The following KLF11 variants were observed in gnomAD, a reference collection of about 807,000 sequenced individuals.
The protein encoded by KLF11 is KLF transcription factor 11, also known as Krueppel-like factor 11.
In KLF11, 26 loss-of-function variants were observed where a neutral mutation model predicts 29.9. The observed-to-expected ratio is 0.87, with a 90% CI of 0.64 to 1.21. The LOEUF (loss-of-function observed/expected upper bound fraction) is 1.21. KLF11 is among the 50% of genes most tolerant of loss of function. KLF11 has a pLI of 0.00. For missense variants in KLF11, 778 were observed against 665.7 expected (o/e 1.17, Z -1.86); for synonymous variants, 318 against 257.4 (o/e 1.24, Z -2.25).
intron 1 of KLF11, among the ~76,000 whole-genome samples, chr2:10,044,975 C>T (rs1031077341): frequency 6.6e-6 from 1 of 152,062 alleles, no homozygotes. Context: ...GGGAAAACCG[C>T]TCTCTACTAA....
chr2:10,050,891 C>CTT (rs1558350563), intron 3 of KLF11, among the ~76,000 whole-genome samples: 1 of 42,038 alleles, frequency 2.4e-5, no homozygotes, highest in Non-Finnish European at 4.9e-5. Context: ...ATAGATGCTA[C>CTT]CTTTTTTTTT....
chr2:10,043,983 C>A, intron 1 of KLF11: 1 of 866,284 alleles, frequency 1.2e-6, no homozygotes, highest in Non-Finnish European at 1.4e-6. Context: ...GTTCCCCGCG[C>A]AGCTTTGTCT....
At chr2:10,045,846 G>A (rs921435747) in intron 1 of KLF11, among the ~76,000 whole-genome samples, 2 of 152,216 alleles carry the variant, frequency 1.3e-5, no homozygotes, top group African/African-American at 4.8e-5. Context: ...TGAACCTCAG[G>A]AGTTAATTTT....
chr2:10,046,599 G>C (rs1380672002), intron 2 of KLF11, among the ~76,000 whole-genome samples, 180 bp downstream of exon 2: 1 of 152,226 alleles, frequency 6.6e-6, no homozygotes, highest in Non-Finnish European at 1.5e-5. Flanking sequence ...GCTCAAGCCT[G>C]TAATCCCAGC....
At chr2:10,043,832 C>T in intron 1 of KLF11, 74 bp downstream of exon 1, 3 of 1,287,078 alleles carry the variant, frequency 2.3e-6, no homozygotes, top group East Asian at 4.8e-5. Flanking sequence ...GTGCGGCACT[C>T]GCGCGCCTGT....
In KLF11 at chr2:10,046,203, C is replaced by T. The variant is rs771393366; in HGVS notation, c.96C>T (p.Ser32=). The T allele has an allele frequency of 1.3e-5, 21 of 1,613,994 alleles. No individual in the cohort carries two copies. The South Asian group carries it at 1.3e-4, about 10-fold the overall frequency. ...ESILERKRHD[S]ERSTCSILEQ... is the part of the protein sequence containing the mutation. ...TCCTGGAGAGGAAGCGGCATGACAG[C>T]GAAAGGTCTACTTGCAGCATCTTGG... is the stretch of plus-strand genomic sequence containing the variant. Residue 32 remains serine, a synonymous_variant, in exon 2 of 4, where the codon AGC becomes AGT. Transcript: ENST00000305883.
In KLF11 at chr2:10,043,754, G is replaced by T; in HGVS notation, c.38G>T (p.Arg13Leu). ...TPDFAGPDDA[R>L]AVDIMDICES... is the part of the protein sequence containing the mutation. Reference sequence around the variant, plus strand: ...GACTTCGCAGGCCCAGACGACGCGCGCGCAGTGAGTGGTGGGGCTGCCGCG... The same window carrying T: ...GACTTCGCAGGCCCAGACGACGCGCTCGCAGTGAGTGGTGGGGCTGCCGCG... The change falls in exon 1 of 4, where the codon CGC (arginine) becomes CTC (leucine). Residue 13 changes from arginine to leucine, a missense_variant. By Grantham distance (102) the Arg-to-Leu change is moderately radical. Transcript: ENST00000305883. 1 of 1,380,732 alleles carries T rather than the reference G, an allele frequency of 7.2e-7. No homozygotes were observed. The highest frequency in any genetic ancestry group is 9.5e-7 in the Non-Finnish European group (1 of 1,051,408). The allele number at this position is 1,380,732 out of a possible 1,614,324, so 85.5% of individuals were successfully genotyped here.
chr2:10,044,301 C>T (rs1661108236), intron 1 of KLF11: 1 of 983,588 alleles, frequency 1.0e-6, no homozygotes, highest in African/African-American at 1.8e-5. Context: ...GGCGGGGCAA[C>T]GCTTGGAGGC....
rs1249594608 is a variant in KLF11 at position 10,047,524 on chromosome 2, G to A, written c.313-126G>A. The stretch of plus-strand genomic sequence containing the variant: ...CCTCATGCAGCCTTGAAACCCACTG[G>A]GATGTTGAAAACAGGGTTAACTGAG... On this transcript the variant is annotated intron_variant, in intron 2 of 3. Coordinates refer to ENST00000305883, the MANE Select transcript of KLF11 (RefSeq NM_003597.5). The A allele has an allele frequency of 3.4e-5, 29 of 843,168 alleles. No homozygotes were observed. The South Asian group carries it at 3.8e-4, about 11-fold the overall frequency. 52.2% of individuals were successfully genotyped at this position (843,168 alleles called of 1,614,324 possible).
chr2:10,046,128 C>T (rs1182513861), intron 1 of KLF11, 22 bp from the exon 2 acceptor site: 3 of 1,612,708 alleles, frequency 1.9e-6, no homozygotes, highest in East Asian at 2.2e-5. Context: ...ACTGAGAAGC[C>T]GTTGTGTTGT....
chr2:10,052,608 C>G lies in KLF11; in HGVS notation c.*101C>G. 7.7e-7 allele frequency: 1 copy of G among 1,300,122 alleles called. No individual in the cohort carries two copies. Among genetic ancestry groups the G allele is most frequent in the South Asian group, 1.3e-5 (1 of 79,024 alleles). The allele number at this position is 1,300,122 out of a possible 1,614,324, so 80.5% of individuals were successfully genotyped here. On this transcript the variant is annotated 3_prime_UTR_variant, in exon 4 of 4. Transcript: ENST00000305883. ...CACTGCCTCACCCAAAAAAAACGGT[C>G]TTGGCGGCCTAGGGGAAGATCGGGG...
Position 10,048,592 on chromosome 2 carries a change from A to T in KLF11, c.1255A>T (p.Thr419Ser). The T allele has an allele frequency of 6.3e-7, 1 of 1,599,742 alleles. No homozygotes were observed. Among genetic ancestry groups the T allele is most frequent in the Non-Finnish European group, 8.5e-7 (1 of 1,178,346 alleles). ...CCTTAAGGCCCATCTTCGCACTCAC[A>T]CAGGTAAGCGCTGGGGCAGGTGGGG... ...SHLKAHLRTH[T>S]GEKPFNCSWD... The change falls in exon 3 of 4, where the codon ACA (threonine) becomes TCA (serine). Residue 419 changes from threonine to serine, a missense_variant. Physicochemically the swap from Thr to Ser is moderately conservative, Grantham distance 58 (BLOSUM62 1). Coordinates refer to ENST00000305883, the MANE Select transcript of KLF11 (RefSeq NM_003597.5).
At chr2:10,046,912 C>G (rs184168848) in intron 2 of KLF11, among the ~76,000 whole-genome samples, 5 of 152,294 alleles carry the variant, frequency 3.3e-5, no homozygotes, top group Admixed American at 3.3e-4. Context: ...GAAAAATGTG[C>G]TCTTTCTATG....
chr2:10,044,415 G>C (rs1450817601), intron 1 of KLF11: 1 of 985,434 alleles, frequency 1.0e-6, no homozygotes, highest in Non-Finnish European at 1.2e-6. Context: ...TGGTGTGCGG[G>C]CACTGTGGGC....
rs372827624 is a variant in KLF11 at position 10,043,621 on chromosome 2, TGCCGCC to T, written c.-83_-78del. On this transcript the variant is annotated 5_prime_UTR_variant, in exon 1 of 4. Coordinates refer to ENST00000305883, the MANE Select transcript of KLF11 (RefSeq NM_003597.5). ...CGTGCCGGCCGCAGGAGCTCCGGGT[TGCCGCC>T]GCCGCCGCCGCCCGCAGCCCACGTG... is the stretch of plus-strand genomic sequence containing the variant. 1.0e-4 allele frequency: 89 copies of T among 867,354 alleles called. No individual in the cohort carries two copies. In the African/African-American group the frequency reaches 1.1e-3, roughly 10 times the overall value. The allele number at this position is 867,354 out of a possible 1,614,324, so 53.7% of individuals were successfully genotyped here. A position where few individuals can be genotyped will look rare whatever the true frequency, so the allele number is the denominator to read the frequency against.
chr2:10,044,241 T>C (rs1238300433), intron 1 of KLF11: 18 of 971,584 alleles, frequency 1.9e-5, no homozygotes, highest in Non-Finnish European at 2.2e-5. Context: ...GCGGGCAAGG[T>C]CTAGGGGCCG....
chr2:10,044,031 G>A, intron 1 of KLF11: 1 of 715,504 alleles, frequency 1.4e-6, no homozygotes, highest in Non-Finnish European at 1.7e-6. Flanking sequence ...TGGCCCCGCG[G>A]CTATTTCCAG....
At position 10,052,719 on chromosome 2, in the gene KLF11, TTTTGG is replaced by T; in HGVS notation, c.*216_*220del. On this transcript the variant is annotated 3_prime_UTR_variant, in exon 4 of 4. Transcript: ENST00000305883. ...TTTTGTAGTTTCAGAAGTTTTTTTG[TTTTGG>T]TTTTTTTTTTAAAGAAATGGTAGAA... 6.8e-6 allele frequency: 3 copies of T among 441,184 alleles called. No homozygotes were observed. Among genetic ancestry groups the T allele is most frequent in the Admixed American group, 5.1e-5 (1 of 19,618 alleles). 27.3% of individuals were successfully genotyped at this position (441,184 alleles called of 1,614,324 possible).
chr2:10,044,452 G>C, intron 1 of KLF11: 1 of 985,460 alleles, frequency 1.0e-6, no homozygotes, highest in Non-Finnish European at 1.2e-6. Flanking sequence ...CGCCCGTGTG[G>C]TGAGTCGGCC....
Sources: gnomAD v4.1 joint callset for allele counts (sites outside exome capture counted in the v4.1 genomes callset) on GRCh38, gnomAD v4.1.1 for gene constraint, MANE v1.5 for transcripts, NCBI Gene and HGNC (gene_info 2026-07-23, HGNC 2026-07-21) for gene names.